SYNPR: variants seen among roughly 807,000 people sequenced by gnomAD.
The protein encoded by SYNPR is synaptoporin.
A neutral mutation model predicts 32.9 loss-of-function variants in SYNPR; 23 were observed. The ratio of observed to expected loss-of-function variants is 0.70; its 90% CI spans 0.50 to 0.99. SYNPR has a LOEUF of 0.99. Among genes scored for constraint, SYNPR ranks in the 50% least tolerant of loss-of-function variants. The probability of loss-of-function intolerance (pLI) is 0.00; values close to 1 mark genes in which losing one functional copy is unlikely to be tolerated. For synonymous variants in SYNPR, 146 were observed against 135.9 expected (o/e 1.07, Z -0.52); for missense variants, 318 against 349.3 (o/e 0.91, Z 0.71).
At chr3:63,246,588 CAGAA>C (rs1443142250) in intron 1 of SYNPR, among the ~76,000 whole-genome samples, 3 of 152,008 alleles carry the variant, frequency 2.0e-5, no homozygotes, top group African/African-American at 7.2e-5. Flanking sequence ...ACCAAGTGGT[CAGAA>C]AAGTTCTCAT....
intron 2 of SYNPR, among the ~76,000 whole-genome samples, chr3:63,415,716 A>C (rs1007105991): frequency 6.6e-6 from 1 of 152,246 alleles, no homozygotes. Context: ...TTGCAAACAC[A>C]AATAATTAAG....
At position 63,351,391 on chromosome 3, in the gene SYNPR, A is replaced by C. The variant is rs542343821; in HGVS notation, c.84+72649A>C. ...ACGTGTGCTTTTCAAATCAAGTGTG[A>C]GTGCACCCTAGTAGGGAATCATTCT... is the stretch of plus-strand genomic sequence containing the variant. On this transcript the variant is annotated intron_variant, in intron 2 of 5. Coordinates refer to ENST00000478300, the MANE Select transcript of SYNPR (RefSeq NM_001130003.2). The C allele has an allele frequency of 3.9e-5, 6 of 152,306 alleles. No individual in the cohort carries two copies. In the South Asian group the frequency reaches 1.2e-3, roughly 32 times the overall value. 9.4% of individuals were successfully genotyped at this position (152,306 alleles called of 1,614,324 possible).
intron 2 of SYNPR, among the ~76,000 whole-genome samples, chr3:63,412,598 T>G (rs1414086702): frequency 6.6e-6 from 1 of 152,058 alleles, no homozygotes; most frequent in Non-Finnish European, 1.5e-5. Flanking sequence ...AGGGTAGATT[T>G]TAGGGTTGAG....
chr3:63,613,446 T>G (rs1392107402), intron 5 of SYNPR, among the ~76,000 whole-genome samples: 1 of 151,396 alleles, frequency 6.6e-6, no homozygotes, highest in African/African-American at 2.4e-5. Context: ...TCAATTAGTG[T>G]AAAAAGTAAG....
intron 5 of SYNPR, among the ~76,000 whole-genome samples, chr3:63,611,512 G>C (rs1010395595): frequency 1.1e-4 from 17 of 152,110 alleles, no homozygotes; most frequent in African/African-American, 4.1e-4. Flanking sequence ...AAAATAGTTG[G>C]AAAGACATTA....
chr3:63,403,612 C>T (rs909239288), intron 2 of SYNPR, among the ~76,000 whole-genome samples: 1 of 152,116 alleles, frequency 6.6e-6, no homozygotes, highest in African/African-American at 2.4e-5. Context: ...CTAGGTCATA[C>T]TTGCAGTATG....
At chr3:63,314,873 C>T (rs993883935) in intron 2 of SYNPR, among the ~76,000 whole-genome samples, 3 of 151,896 alleles carry the variant, frequency 2.0e-5, no homozygotes, top group Middle Eastern at 3.2e-3. Flanking sequence ...AGGTTTGAGT[C>T]CTAAATCATC....
At chr3:63,449,350 T>A (rs1016709652) in intron 2 of SYNPR, among the ~76,000 whole-genome samples, 5 of 152,128 alleles carry the variant, frequency 3.3e-5, no homozygotes, top group African/African-American at 1.2e-4. Flanking sequence ...GATACACTAG[T>A]TCCTGAATTC....
At chr3:63,521,519 T>C (rs1329240456) in intron 3 of SYNPR, among the ~76,000 whole-genome samples, 1 of 152,160 alleles carries the variant, frequency 6.6e-6, no homozygotes, top group African/African-American at 2.4e-5. Flanking sequence ...GCTAATATTA[T>C]CTCTATTTTA....
At chr3:63,522,950 T>C (rs1701942893) in intron 3 of SYNPR, among the ~76,000 whole-genome samples, 2 of 152,008 alleles carry the variant, frequency 1.3e-5, no homozygotes, top group African/African-American at 4.8e-5. Flanking sequence ...TAAAAGACCA[T>C]TCTAGCTGCA....
At chr3:63,392,150 A>C (rs902713577) in intron 2 of SYNPR, among the ~76,000 whole-genome samples, 1 of 152,230 alleles carries the variant, frequency 6.6e-6, no homozygotes, top group Non-Finnish European at 1.5e-5. Context: ...AAACATGAGA[A>C]TCAGTCCCAG....
In SYNPR at chr3:63,614,348, G is replaced by A. The variant is rs866964201; in HGVS notation, c.601-876G>A. Reference sequence around the variant, plus strand: ...AGTCATGGAATGAGGACTTCTGTTCGGGCCTCATGCAATAGCAAACCGTTC... The same window carrying A: ...AGTCATGGAATGAGGACTTCTGTTCAGGCCTCATGCAATAGCAAACCGTTC... On this transcript the variant is annotated intron_variant, in intron 5 of 5. Coordinates refer to ENST00000478300, the MANE Select transcript of SYNPR (RefSeq NM_001130003.2). Among the ~76,000 whole-genome samples the A allele has an allele frequency of 3.3e-5, 5 of 152,246 alleles. No individual in the cohort carries two copies. In the South Asian group the frequency reaches 6.2e-4, roughly 19 times the overall value.
rs1045799268 is a variant in SYNPR at position 63,346,586 on chromosome 3, C to T, written c.84+67844C>T. Reference sequence around the variant, plus strand: ...TCCTGGGTTCAAGCGATTCTTCTGCCGCAGCCTCCTGAGTAGCTGGGATTA... The same window carrying T: ...TCCTGGGTTCAAGCGATTCTTCTGCTGCAGCCTCCTGAGTAGCTGGGATTA... On this transcript the variant is annotated intron_variant, in intron 2 of 5. Coordinates refer to ENST00000478300, the MANE Select transcript of SYNPR (RefSeq NM_001130003.2). Among the ~76,000 whole-genome samples, 14 of 152,048 alleles carry T rather than the reference C, an allele frequency of 9.2e-5. No homozygotes were observed. In the East Asian group the frequency reaches 9.7e-4, roughly 10 times the overall value.
chr3:63,295,391 G>A (rs1291414325), intron 2 of SYNPR, among the ~76,000 whole-genome samples: 1 of 152,138 alleles, frequency 6.6e-6, no homozygotes, highest in Non-Finnish European at 1.5e-5. Context: ...GGTGTGTATG[G>A]TTTATAATAG....
chr3:63,373,666 T>G (rs2087848016), intron 2 of SYNPR, among the ~76,000 whole-genome samples: 1 of 152,092 alleles, frequency 6.6e-6, no homozygotes. Context: ...TATCAGGATA[T>G]CTATGAAAAC....
chr3:63,335,229 T>G (rs902116280), intron 2 of SYNPR, among the ~76,000 whole-genome samples: 1 of 151,692 alleles, frequency 6.6e-6, no homozygotes, highest in African/African-American at 2.4e-5. Context: ...GGCGGGTGCC[T>G]GTAGTCCCAG....
At chr3:63,256,964 T>G (rs2086389724) in intron 2 of SYNPR, among the ~76,000 whole-genome samples, 1 of 152,090 alleles carries the variant, frequency 6.6e-6, no homozygotes, top group Non-Finnish European at 1.5e-5. Context: ...GAAGAAAGGG[T>G]ATCAGTGATG....
intron 3 of SYNPR, among the ~76,000 whole-genome samples, chr3:63,497,676 T>G (rs1306329799): frequency 6.6e-6 from 1 of 152,026 alleles, no homozygotes; most frequent in Non-Finnish European, 1.5e-5. Context: ...CTCTGCAGAG[T>G]GAATATTCTT....
intron 1 of SYNPR, among the ~76,000 whole-genome samples, chr3:63,242,377 A>T (rs2086255590): frequency 6.6e-6 from 1 of 151,848 alleles, no homozygotes; most frequent in Admixed American, 6.6e-5. Context: ...ACAAACCAGG[A>T]CTCCTAGGGA....
Sources: gnomAD v4.1 joint callset for allele counts (sites outside exome capture counted in the v4.1 genomes callset) on GRCh38, gnomAD v4.1.1 for gene constraint, MANE v1.5 for transcripts, NCBI Gene and HGNC (gene_info 2026-07-23, HGNC 2026-07-21) for gene names.